CLEC10A: variants seen among roughly 807,000 people sequenced by gnomAD.
CLEC10A encodes C-type lectin domain family 10 member A.
Under a neutral mutation model 42.0 loss-of-function variants are expected in CLEC10A, and 38 were observed. That is an observed-to-expected ratio of 0.90 (90% CI 0.70 to 1.18). The LOEUF is 1.18. Ranked by LOEUF, CLEC10A falls within the 50% of genes most tolerant of loss-of-function variation. The pLI is 0.00. For missense variants in CLEC10A, 298 were observed against 345.9 expected, an observed-to-expected ratio of 0.86 and a Z score of 1.10; for synonymous variants, 126 against 139.9, an observed-to-expected ratio of 0.90 and a Z score of 0.70.
In CLEC10A at chr17:7,074,921, A is replaced by T. The variant is rs1911626712; in HGVS notation, c.*133T>A. On this transcript the variant is annotated 3_prime_UTR_variant, in exon 9 of 9. Transcript: ENST00000416562. ...ATCTTTTTAAAATTAAAGAGAAAAA[A>T]ATTCAAAATGTTAGCAGTGCTTCCA... 1 of 629,308 alleles carries T rather than the reference A, an allele frequency of 1.6e-6. No individual in the cohort carries two copies. The highest frequency in any genetic ancestry group is 3.8e-5 in the Admixed American group (1 of 26,418). 39.0% of individuals were successfully genotyped at this position (629,308 alleles called of 1,614,324 possible). A position where few individuals can be genotyped will look rare whatever the true frequency, so the allele number is the denominator to read the frequency against.
chr17:7,079,948 A>G (rs954386013), intron 1 of CLEC10A, 104 bp downstream of exon 1: 1 of 151,986 alleles, frequency 6.6e-6, no homozygotes, highest in Non-Finnish European at 1.5e-5. Context: ...GCCGCCTTAT[A>G]TTTATTTTCA....
rs765740164 is a variant in CLEC10A, at chr17:7,075,225, G to C, written c.702-3C>G. Reference sequence around the variant, plus strand: ...CTGGCTGGCCTGGCTTCCAGTTCCTGAGAGGAAAAGACAACAGCAAGCTAG... The same window carrying C: ...CTGGCTGGCCTGGCTTCCAGTTCCTCAGAGGAAAAGACAACAGCAAGCTAG... On this transcript the variant is annotated splice_polypyrimidine_tract_variant and splice_region_variant and intron_variant, in intron 8 of 8. Transcript: ENST00000416562. 2.0e-6 allele frequency: 3 copies of C among 1,528,516 alleles called. No individual in the cohort carries two copies. The Admixed American group carries it at 6.8e-5, about 35-fold the overall frequency. The allele number at this position is 1,528,516 out of a possible 1,614,324, so 94.7% of individuals were successfully genotyped here. A position where few individuals can be genotyped will look rare whatever the true frequency, so the allele number is the denominator to read the frequency against.
chr17:7,076,799 T>C lies in CLEC10A; in HGVS notation c.286A>G (p.Ser96Gly). 6.2e-7 allele frequency: 1 copy of C among 1,613,936 alleles called. No individual in the cohort carries two copies. The highest frequency in any genetic ancestry group is 1.1e-5 in the South Asian group (1 of 91,062). ...EIQALTSQGS[S>G]LEETIASLKA... ...AGAGATGCTATCGTTTCTTCCAAGC[T>C]GCTGCCTGGAGGACACGGAGACTTG... is the stretch of plus-strand genomic sequence containing the variant. The change falls in exon 5 of 9, where the codon AGC becomes GGC. Residue 96 changes from serine to glycine, a missense_variant. Coordinates refer to ENST00000416562, the MANE Select transcript of CLEC10A (RefSeq NM_001330070.2).
chr17:7,078,401 G>A (rs1456964137), intron 2 of CLEC10A: 2 of 504,506 alleles, frequency 4.0e-6, no homozygotes, highest in East Asian at 6.7e-5. Context: ...AGGGAGAGCT[G>A]GGGGCAGCCA....
At chr17:7,077,968 T>C (rs762747188) in intron 3 of CLEC10A, 29 bp downstream of exon 3, 23 of 1,525,142 alleles carry the variant, frequency 1.5e-5, no homozygotes, top group Non-Finnish European at 1.9e-5. Context: ...ATTATTTCTC[T>C]CTTCCCTGTC....
Position 7,075,068 on chromosome 17 carries a change from G to A in CLEC10A, c.856C>T (p.Gln286Ter), listed in dbSNP as rs546990321. ...VCEAGLGQTS[Q>*]ESH Reference sequence around the variant, plus strand: ...CCAAAGGCAGCTCAGTGACTCTCCTGGCTGGTCTGACCCAGGCCAGCCTCG... The same window carrying A: ...CCAAAGGCAGCTCAGTGACTCTCCTAGCTGGTCTGACCCAGGCCAGCCTCG... Residue 286 changes from glutamine to a stop codon, truncating the protein, a stop_gained, in exon 9 of 9, where the codon CAG becomes TAG. Transcript: ENST00000416562. LOFTEE classifies it high-confidence loss of function. The A allele has an allele frequency of 6.3e-7, 1 of 1,579,484 alleles. No individual in the cohort carries two copies. The highest frequency in any genetic ancestry group is 1.2e-5 in the South Asian group (1 of 85,690).
intron 3 of CLEC10A, among the ~76,000 whole-genome samples, chr17:7,077,555 CATCA>C (rs1911879931): frequency 9.5e-6 from 1 of 105,232 alleles, no homozygotes; most frequent in Admixed American, 9.4e-5. Flanking sequence ...TCAATCACTC[CATCA>C]GTGCCCCCCC....
chr17:7,075,695 G>A, intron 7 of CLEC10A, 36 bp downstream of exon 7: 6 of 1,613,922 alleles, frequency 3.7e-6, no homozygotes, highest in Non-Finnish European at 5.1e-6. Flanking sequence ...CCCTAAATGG[G>A]ACATGTCTTA....
Position 7,074,687 on chromosome 17 carries a change from G to C in CLEC10A, c.*367C>G, listed in dbSNP as rs1698225. 0.076 allele frequency: 12,660 copies of C among 167,128 alleles called. 553 individuals carry two copies. The highest frequency in any genetic ancestry group is 0.13 in the Middle Eastern group (47 of 370). The allele number at this position is 167,128 out of a possible 1,614,324, so 10.4% of individuals were successfully genotyped here. A position where few individuals can be genotyped will look rare whatever the true frequency, so the allele number is the denominator to read the frequency against. ...ATCACTGGCCTGGAAACAGGGAAGT[G>C]GTTGGACTGCCCAGAGGCATGAGGG... On this transcript the variant is annotated 3_prime_UTR_variant, in exon 9 of 9. Coordinates refer to ENST00000416562, the MANE Select transcript of CLEC10A (RefSeq NM_001330070.2).
intron 3 of CLEC10A, among the ~76,000 whole-genome samples, chr17:7,077,602 C>A: frequency 9.5e-6 from 1 of 105,196 alleles, no homozygotes; most frequent in African/African-American, 3.8e-5. Flanking sequence ...TCAGTGACCC[C>A]CAACCATTCC....
intron 2 of CLEC10A, chr17:7,078,378 G>A (rs1911981778): frequency 2.0e-6 from 1 of 511,524 alleles, no homozygotes; most frequent in Admixed American, 3.2e-5. Context: ...TGGGGGCAGG[G>A]GCAGGAGGAC....
chr17:7,075,770 C>T lies in CLEC10A; in HGVS notation c.555G>A (p.Lys185=), dbSNP rs1597357585. 1 of 1,614,206 alleles carries T rather than the reference C, an allele frequency of 6.2e-7. No individual in the cohort carries two copies. The highest frequency in any genetic ancestry group is 1.1e-5 in the South Asian group (1 of 91,074). The change falls in exon 7 of 9, where the codon AAG becomes AAA. Residue 185 remains lysine (K), a synonymous_variant. Transcript: ENST00000416562. ...AGTTGATGACCACCAGGTGGGCGTT[C>T]TTCAGCTGGCAGTACTTCTCAGCCT... The part of the protein sequence containing the change: ...WAEAEKYCQL[K]NAHLVVINSR...
intron 8 of CLEC10A, 42 bp downstream of exon 8, chr17:7,075,318 G>A (rs1911658239): frequency 5.3e-6 from 8 of 1,506,458 alleles, no homozygotes; most frequent in African/African-American, 2.8e-5. Flanking sequence ...TGGGGGAAAC[G>A]CTGACGGAGG....
At position 7,078,014 on chromosome 17, in the gene CLEC10A, C is replaced by G. The variant is rs746202864; in HGVS notation, c.167G>C (p.Cys56Ser). The G allele has an allele frequency of 4.3e-6, 7 of 1,613,320 alleles. No individual in the cohort carries two copies. Among genetic ancestry groups the G allele is most frequent in the Non-Finnish European group, 5.9e-6 (7 of 1,179,368 alleles). The change falls in exon 3 of 9, where the codon TGT (cysteine) becomes TCT (serine). Residue 56 changes from cysteine to serine, a missense_variant. This residue lies in a region of CLEC10A where 267 missense variants were observed against 289.5 expected (regional missense o/e 0.92). Coordinates refer to ENST00000416562, the MANE Select transcript of CLEC10A (RefSeq NM_001330070.2). ...GLGLLLLVII[C>S]VVGFQNSKFQ... is the part of the protein sequence containing the mutation. ...ACCCTCACTTTGGAATCCAACCACA[C>G]AGATGATGACCAGCAGCAGGAGGCC...
Position 7,076,761 on chromosome 17 carries a change from C to T in CLEC10A, c.324G>A (p.Val108=). Residue 108 remains valine, a synonymous_variant, in exon 5 of 9, where the codon GTG becomes GTA. Coordinates refer to ENST00000416562, the MANE Select transcript of CLEC10A (RefSeq NM_001330070.2). Reference sequence around the variant, plus strand: ...CCTGCCGTTCCTGCTTGAAACCCTCCACCTCAGCTTTCAGAGATGCTATCG... The same window carrying T: ...CCTGCCGTTCCTGCTTGAAACCCTCTACCTCAGCTTTCAGAGATGCTATCG... The part of the protein sequence containing the change: ...EETIASLKAE[V]EGFKQERQAV... 1.9e-6 allele frequency: 3 copies of T among 1,613,706 alleles called. No homozygotes were observed. The South Asian group carries it at 3.3e-5, about 18-fold the overall frequency.
intron 5 of CLEC10A, 125 bp downstream of exon 5, chr17:7,076,608 G>T: frequency 9.1e-7 from 1 of 1,100,208 alleles, no homozygotes; most frequent in Non-Finnish European, 1.4e-6. Flanking sequence ...CACTGCGCCC[G>T]GCCTGCATGC....
intron 2 of CLEC10A, 69 bp from the exon 3 acceptor site, chr17:7,078,182 G>A: frequency 1.6e-6 from 2 of 1,224,612 alleles, no homozygotes; most frequent in South Asian, 1.3e-5. Context: ...AGAGGGCCCA[G>A]GGAGCTGTCT....
In CLEC10A at chr17:7,076,936, A is replaced by T. The variant is rs1292351766; in HGVS notation, c.236T>A (p.Phe79Tyr). The change falls in exon 4 of 9, where the codon TTC becomes TAC. Residue 79 changes from phenylalanine (F) to tyrosine (Y), a missense_variant. Coordinates refer to ENST00000416562, the MANE Select transcript of CLEC10A (RefSeq NM_001330070.2). The part of the protein sequence containing the change: ...LVTLRTDFSN[F>Y]TSNTVAEIQA... ...GATCTCCGCCACAGTGTTTGAGGTG[A>T]AGTTGCTAAAATCTGTTCTCAGGGT... 1 of 1,613,784 alleles carries T rather than the reference A, an allele frequency of 6.2e-7. No homozygotes were observed. The highest frequency in any genetic ancestry group is 8.5e-7 in the Non-Finnish European group (1 of 1,179,984).
At position 7,076,068 on chromosome 17, in the gene CLEC10A, T is replaced by C. The variant is rs1313979550; in HGVS notation, c.356A>G (p.His119Arg). 1.9e-6 allele frequency: 3 copies of C among 1,614,172 alleles called. No homozygotes were observed. In the South Asian group the frequency reaches 3.3e-5, roughly 18 times the overall value. Residue 119 changes from histidine (H) to arginine (R), a missense_variant, in exon 6 of 9, where the codon CAT becomes CGT. His to Arg is a conservative substitution (Grantham distance 29). Around this residue, in one of 3 missense-constraint regions of CLEC10A, gnomAD observed 267 missense variants for 289.5 expected, o/e 0.92. Transcript: ENST00000416562. ...EGFKQERQAV[H>R]SEMLLRVQQL... is the part of the protein sequence containing the mutation. The stretch of plus-strand genomic sequence containing the variant: ...CTGGACTCGCAGGAGCATTTCAGAA[T>C]GAACTGGGACACACACAGATGGGCA...
Sources: gnomAD v4.1 joint callset for allele counts (sites outside exome capture counted in the v4.1 genomes callset) on GRCh38, gnomAD v4.1.1 for gene constraint, gnomAD v4.1.1 regional missense constraint, MANE v1.5 for transcripts, NCBI Gene and HGNC (gene_info 2026-07-23, HGNC 2026-07-21) for gene names.